Variants in ADAMTSL1 observed in about 807,000 individuals in gnomAD.
The protein encoded by ADAMTSL1 is ADAMTS-like protein 1.
In ADAMTSL1, 126 loss-of-function variants were observed where a neutral mutation model predicts 201.8. The observed-to-expected ratio is 0.62, with a 90% CI of 0.54 to 0.72. The LOEUF is 0.72. Ranked by LOEUF, ADAMTSL1 falls within the 30% of genes least tolerant of loss-of-function variation. ADAMTSL1 has a pLI of 0.00. For synonymous variants in ADAMTSL1, 1,121 were observed against 903.4 expected, an observed-to-expected ratio of 1.24 and a Z score of -4.32; for missense variants, 2,679 against 2,277.8, an observed-to-expected ratio of 1.18 and a Z score of -3.59.
At chr9:18,264,593 C>T (rs538292259) in intron 2 of ADAMTSL1, among the ~76,000 whole-genome samples, 1 of 152,118 alleles carries the variant, frequency 6.6e-6, no homozygotes. Context: ...AACAGGCCCC[C>T]GACAGGAGTG....
At chr9:18,838,815 C>A (rs2131305308) in intron 23 of ADAMTSL1, among the ~76,000 whole-genome samples, 1 of 150,372 alleles carries the variant, frequency 6.7e-6, no homozygotes, top group Non-Finnish European at 1.5e-5. Flanking sequence ...CTATAATCTG[C>A]AAGTGAGCTA....
chr9:18,766,014 G>T (rs1476651818), intron 16 of ADAMTSL1, among the ~76,000 whole-genome samples: 1 of 152,054 alleles, frequency 6.6e-6, no homozygotes, highest in Non-Finnish European at 1.5e-5. Flanking sequence ...CGAAGGCCCT[G>T]TGGGAGAAAC....
chr9:18,776,938 G>T lies in ADAMTSL1; in HGVS notation c.2709G>T (p.Arg903Ser). 6.2e-7 allele frequency: 1 copy of T among 1,601,890 alleles called. No individual in the cohort carries two copies. The change falls in exon 19 of 29, where the codon AGG becomes AGT. Residue 903 changes from arginine to serine, a missense_variant. Coordinates refer to ENST00000380548, the MANE Select transcript of ADAMTSL1 (RefSeq NM_001040272.6). ...TAVVLRCPARRVRKPLITWEK... is the reference protein window; with the variant it reads ...TAVVLRCPARSVRKPLITWEK... ...TGGTGCTGCGCTGCCCGGCGCGCAG[G>T]GTCCGCAAGCCCCTCATCACCTGGG...
chr9:18,882,405 T>C (rs1317122836), intron 23 of ADAMTSL1, among the ~76,000 whole-genome samples: 1 of 152,158 alleles, frequency 6.6e-6, no homozygotes, highest in Admixed American at 6.5e-5. Context: ...GCTAAAAAGC[T>C]TTATTTGTTT....
In ADAMTSL1 at chr9:18,623,243, CAAA is replaced by C. The variant is rs11313686; in HGVS notation, c.601+886_601+888del. Among the ~76,000 whole-genome samples, 167 of 140,800 alleles carry C rather than the reference CAAA, an allele frequency of 1.2e-3. 1 individual carries two copies. Among genetic ancestry groups the C allele is most frequent in the African/African-American group, 3.8e-3 (140 of 36,966 alleles). 92.4% of individuals were successfully genotyped at this position (140,800 alleles called of 152,430 possible). ...TTGTGTCCTGGTATCTCAATACTAG[CAAA>C]AAAAAAAAAAAGTGTACTTATTAGA... On this transcript the variant is annotated intron_variant, in intron 5 of 28. Coordinates refer to ENST00000380548, the MANE Select transcript of ADAMTSL1 (RefSeq NM_001040272.6).
At chr9:18,592,255 A>G (rs956129728) in intron 4 of ADAMTSL1, among the ~76,000 whole-genome samples, 1 of 152,068 alleles carries the variant, frequency 6.6e-6, no homozygotes, top group Non-Finnish European at 1.5e-5. Context: ...GCTGTTCTTC[A>G]TTGCTTGTCA....
intron 5 of ADAMTSL1, among the ~76,000 whole-genome samples, chr9:18,632,913 C>A (rs1192523976): frequency 6.6e-6 from 1 of 152,178 alleles, no homozygotes; most frequent in Non-Finnish European, 1.5e-5. Flanking sequence ...TCTCCATATA[C>A]CCTCTTCCTC....
chr9:18,848,430 A>T (rs1826270702), intron 23 of ADAMTSL1, among the ~76,000 whole-genome samples: 1 of 152,188 alleles, frequency 6.6e-6, no homozygotes, highest in Non-Finnish European at 1.5e-5. Context: ...TGCTATTCAG[A>T]CCTAGCCTTT....
intron 2 of ADAMTSL1, among the ~76,000 whole-genome samples, chr9:18,532,176 G>A (rs1019673136): frequency 6.6e-6 from 1 of 152,094 alleles, no homozygotes; most frequent in Non-Finnish European, 1.5e-5. Context: ...TTAAGTGTCA[G>A]CATTGAACGT....
intron 1 of ADAMTSL1, among the ~76,000 whole-genome samples, chr9:18,158,741 C>T (rs1827262218): frequency 6.6e-6 from 1 of 151,934 alleles, no homozygotes; most frequent in South Asian, 2.1e-4. Context: ...CTTAGGATAT[C>T]AATATTTTAG....
At chr9:18,471,652 T>G (rs1821218297), upstream of ADAMTSL1, among the ~76,000 whole-genome samples, 1 of 152,216 alleles carries the variant, frequency 6.6e-6, no homozygotes, top group Admixed American at 6.5e-5. Flanking sequence ...GTGCAATTGC[T>G]TTTCCTAGTT....
chr9:18,139,869 C>T (rs1171884048), intron 1 of ADAMTSL1, among the ~76,000 whole-genome samples: 1 of 151,984 alleles, frequency 6.6e-6, no homozygotes, highest in Non-Finnish European at 1.5e-5. Context: ...TTGTTGGTTT[C>T]TTATGATTTC....
intron 22 of ADAMTSL1, 27 bp from the exon 23 acceptor site, chr9:18,829,816 C>T (rs1347072450): frequency 6.2e-7 from 1 of 1,613,402 alleles, no homozygotes; most frequent in Non-Finnish European, 8.5e-7. Context: ...CTTTAACCTG[C>T]CTGATCCACC....
intron 23 of ADAMTSL1, among the ~76,000 whole-genome samples, chr9:18,864,469 G>A (rs763216265): frequency 6.6e-6 from 1 of 152,188 alleles, no homozygotes; most frequent in African/African-American, 2.4e-5. Context: ...AAATCTTGGT[G>A]ATTTTCAGAC....
Position 18,716,982 on chromosome 9 carries a change from G to A in ADAMTSL1, c.1877-4554G>A, listed in dbSNP as rs1036687298. Among the ~76,000 whole-genome samples, 66 of 132,120 alleles carry A rather than the reference G, an allele frequency of 5.0e-4. 1 individual carries two copies. The highest frequency in any genetic ancestry group is 4.4e-3 in the East Asian group (21 of 4,746). The allele number at this position is 132,120 out of a possible 152,430, so 86.7% of individuals were successfully genotyped here. The stretch of plus-strand genomic sequence containing the variant: ...AAATCATCATTCTCAGTAAACTATC[G>A]CAAGAACAAAAAACCAAACCGCATA... On this transcript the variant is annotated intron_variant, in intron 14 of 28. Coordinates refer to ENST00000380548, the MANE Select transcript of ADAMTSL1 (RefSeq NM_001040272.6).
rs200551918 is a variant in ADAMTSL1, at chr9:18,706,761, C to A, written c.1589C>A (p.Ala530Asp). 3 of 1,603,418 alleles carry A rather than the reference C, an allele frequency of 1.9e-6. No individual in the cohort carries two copies. In the East Asian group the frequency reaches 6.7e-5, roughly 36 times the overall value. ...VSEEPSFIPE[A>D]WSACTVTCGV... is the part of the protein sequence containing the mutation. ...GCCGACTGCAGGTTCATCCCAGAGGCCTGGTCGGCCTGCACAGTCACCTGT... is the reference window on the plus strand; with the variant it reads ...GCCGACTGCAGGTTCATCCCAGAGGACTGGTCGGCCTGCACAGTCACCTGT... The change falls in exon 14 of 29, where the codon GCC becomes GAC. Residue 530 changes from alanine (A) to aspartate (D), a missense_variant. Transcript: ENST00000380548.
intron 25 of ADAMTSL1, chr9:18,890,408 T>A: frequency 2.4e-6 from 1 of 422,668 alleles, no homozygotes; most frequent in Non-Finnish European, 4.7e-6. Flanking sequence ...TCAGCAGTAG[T>A]TAAATGGATA....
chr9:18,077,319 G>T (rs1563985892), intron 1 of ADAMTSL1, among the ~76,000 whole-genome samples: 1 of 152,208 alleles, frequency 6.6e-6, no homozygotes, highest in Non-Finnish European at 1.5e-5. Flanking sequence ...GAACAAAGAT[G>T]CAGAGACCCA....
intron 13 of ADAMTSL1, among the ~76,000 whole-genome samples, chr9:18,701,815 C>G (rs943898105): frequency 2.0e-5 from 3 of 151,918 alleles, no homozygotes; most frequent in Admixed American, 1.3e-4. Flanking sequence ...TTTAATAATC[C>G]CAATGATTTT....
Sources: gnomAD v4.1 joint callset for allele counts (sites outside exome capture counted in the v4.1 genomes callset) on GRCh38, gnomAD v4.1.1 for gene constraint, MANE v1.5 for transcripts, NCBI Gene and HGNC (gene_info 2026-07-23, HGNC 2026-07-21) for gene names.